PRKD1: variants seen among roughly 807,000 people sequenced by gnomAD.
PRKD1 encodes the protein protein kinase D1, also known as serine/threonine-protein kinase D1.
Under a neutral mutation model 95.9 loss-of-function variants are expected in PRKD1, and 63 were observed. The ratio of observed to expected loss-of-function variants is 0.66; its 90% CI spans 0.54 to 0.81. PRKD1 has a LOEUF of 0.81. Ranked by LOEUF, PRKD1 falls within the 30% of genes least tolerant of loss-of-function variation. The probability of loss-of-function intolerance (pLI) is 0.00; values close to 1 mark genes in which losing one functional copy is unlikely to be tolerated. For synonymous variants in PRKD1, 425 were observed against 423.1 expected, an observed-to-expected ratio of 1.00 and a Z score of -0.05; for missense variants, 1,048 against 1,165.3, an observed-to-expected ratio of 0.90 and a Z score of 1.47.
intron 1 of PRKD1, among the ~76,000 whole-genome samples, chr14:29,799,665 C>T (rs36006259): frequency 0.14 from 20,674 of 152,228 alleles, 1,909 homozygotes; most frequent in East Asian, 0.41. Flanking sequence ...TCCAGGAAGA[C>T]CCAAACTGCT....
chr14:29,764,215 T>C (rs1464772728), intron 1 of PRKD1, among the ~76,000 whole-genome samples: 3 of 151,946 alleles, frequency 2.0e-5, no homozygotes, highest in Admixed American at 6.6e-5. Context: ...TAAAGAACCA[T>C]GGAAGAACTG....
At chr14:29,589,348 T>G (rs533009908) in intron 16 of PRKD1, among the ~76,000 whole-genome samples, 9 of 152,338 alleles carry the variant, frequency 5.9e-5, no homozygotes, top group African/African-American at 2.2e-4. Flanking sequence ...ATCTGTGTCA[T>G]TTCTTTTCCT....
At chr14:29,753,443 A>C (rs1354470654) in intron 1 of PRKD1, among the ~76,000 whole-genome samples, 1 of 152,128 alleles carries the variant, frequency 6.6e-6, no homozygotes, top group Non-Finnish European at 1.5e-5. Flanking sequence ...TTCACACAGT[A>C]TTCTTACATA....
intron 2 of PRKD1, among the ~76,000 whole-genome samples, chr14:29,717,635 T>A (rs1885684793): frequency 6.6e-6 from 1 of 152,186 alleles, no homozygotes. Flanking sequence ...ACTATTGTTA[T>A]GTTACCATCA....
intron 1 of PRKD1, among the ~76,000 whole-genome samples, chr14:29,909,177 G>T (rs1277327975): frequency 6.6e-6 from 1 of 152,114 alleles, no homozygotes; most frequent in African/African-American, 2.4e-5. Context: ...TCCCCCAGCA[G>T]TGCCAGCCCA....
chr14:29,685,089 T>C (rs188749303), intron 2 of PRKD1, among the ~76,000 whole-genome samples: 257 of 152,338 alleles, frequency 1.7e-3, no homozygotes, highest in Admixed American at 4.3e-3. Flanking sequence ...CTTATATCTA[T>C]TTGGCAGCAT....
At chr14:29,882,034 CCTT>C (rs1188190594) in intron 1 of PRKD1, among the ~76,000 whole-genome samples, 4 of 152,172 alleles carry the variant, frequency 2.6e-5, no homozygotes, top group Non-Finnish European at 5.9e-5. Context: ...ATTTCAGACT[CCTT>C]AAGGACAAGA....
chr14:29,866,020 T>C (rs185595887), intron 1 of PRKD1, among the ~76,000 whole-genome samples: 61 of 152,330 alleles, frequency 4.0e-4, no homozygotes, highest in African/African-American at 1.4e-3. Flanking sequence ...AAAAAATCTA[T>C]AATTTTGCAT....
chr14:29,690,670 T>C (rs1231800335), intron 2 of PRKD1, among the ~76,000 whole-genome samples: 2 of 152,160 alleles, frequency 1.3e-5, no homozygotes, highest in Non-Finnish European at 2.9e-5. Flanking sequence ...GCATGACCCT[T>C]TATGTAATCC....
chr14:29,688,504 A>G (rs78257650), intron 2 of PRKD1, among the ~76,000 whole-genome samples: 4,161 of 152,196 alleles, frequency 0.027, 195 homozygotes, highest in African/African-American at 0.095. Flanking sequence ...TGACATAGTT[A>G]TAGGCAGTGG....
Position 29,597,738 on chromosome 14 carries a change from AC to A in PRKD1, c.2186del (p.Gly729ValfsTer27). 1 of 1,611,412 alleles carries A rather than the reference AC, an allele frequency of 6.2e-7. No individual in the cohort carries two copies. ...PFPQVKLCDF[G>X]FARIIGEKSF... ...ACTTCTCTCCAATGATCCGGGCAAA[AC>A]CAAAATCACAAAGTTTCACCTGTTG... On this transcript the variant is annotated frameshift_variant, in exon 16 of 18. Transcript: ENST00000331968. LOFTEE classifies it high-confidence loss of function.
At chr14:29,591,244 T>C (rs562414878) in intron 16 of PRKD1, 7 of 152,282 alleles carry the variant, frequency 4.6e-5, no homozygotes, top group African/African-American at 1.4e-4. Context: ...ACTATTTTCA[T>C]GGCAATCTGT....
chr14:29,866,641 G>A (rs1892917254), intron 1 of PRKD1, among the ~76,000 whole-genome samples: 1 of 152,188 alleles, frequency 6.6e-6, no homozygotes, highest in Non-Finnish European at 1.5e-5. Context: ...GATGGGGGCA[G>A]TGCAGAAAGA....
intron 1 of PRKD1, among the ~76,000 whole-genome samples, chr14:29,781,968 G>T (rs1254647529): frequency 6.6e-6 from 1 of 152,142 alleles, no homozygotes; most frequent in African/African-American, 2.4e-5. Context: ...GTGATTAAAT[G>T]ATCTTTTCTC....
chr14:29,703,252 G>C (rs1436709352), intron 2 of PRKD1, among the ~76,000 whole-genome samples: 1 of 152,058 alleles, frequency 6.6e-6, no homozygotes, highest in Non-Finnish European at 1.5e-5. Flanking sequence ...CTAGACTTTG[G>C]AATAAAGTTA....
At chr14:29,689,165 G>C (rs148434288) in intron 2 of PRKD1, among the ~76,000 whole-genome samples, 1,556 of 151,804 alleles carry the variant, frequency 0.01, 18 homozygotes, top group African/African-American at 0.036. Flanking sequence ...ACTATCATCA[G>C]AGTGAAAAGA....
Position 29,927,598 on chromosome 14 carries a change from G to A in PRKD1, c.-86C>T, listed in dbSNP as rs1340843465. The A allele has an allele frequency of 1.9e-6, 2 of 1,035,206 alleles. No individual in the cohort carries two copies. Among genetic ancestry groups the A allele is most frequent in the Admixed American group, 5.2e-5 (1 of 19,392 alleles). The allele number at this position is 1,035,206 out of a possible 1,614,324, so 64.1% of individuals were successfully genotyped here. On this transcript the variant is annotated 5_prime_UTR_variant, in exon 1 of 18. Coordinates refer to ENST00000331968, the MANE Select transcript of PRKD1 (RefSeq NM_002742.3). Reference sequence around the variant, plus strand: ...AAGTTTTGCAGCCGCTGAGCCAGGAGCTTCTTTCTCCGAGAGCCCAGACGG... The same window carrying A: ...AAGTTTTGCAGCCGCTGAGCCAGGAACTTCTTTCTCCGAGAGCCCAGACGG...
intron 1 of PRKD1, among the ~76,000 whole-genome samples, chr14:29,907,201 C>G (rs533322533): frequency 1.3e-5 from 2 of 152,076 alleles, no homozygotes; most frequent in Non-Finnish European, 1.5e-5. Context: ...CAGAAGCGAC[C>G]CAAATCTCCG....
chr14:29,876,025 A>T (rs1005694909), intron 1 of PRKD1, among the ~76,000 whole-genome samples: 13 of 152,210 alleles, frequency 8.5e-5, no homozygotes, highest in African/African-American at 2.9e-4. Flanking sequence ...GAACCAAGAG[A>T]TACATACCAT....
Sources: allele counts gnomAD v4.1 joint callset (sites outside exome capture counted in the v4.1 genomes callset), GRCh38; gene constraint gnomAD v4.1.1; transcripts MANE v1.5; gene names NCBI Gene and HGNC (gene_info 2026-07-23, HGNC 2026-07-21).